Variants in OR11A1 observed in about 807,000 individuals in gnomAD.
OR11A1 encodes olfactory receptor 11A1.
For synonymous variants in OR11A1, 158 were observed against 152.2 expected, an observed-to-expected ratio of 1.04 and a Z score of -0.28; for missense variants, 380 against 378.2, an observed-to-expected ratio of 1.00 and a Z score of -0.04.
intron 1 of OR11A1, chr6:29,440,409 C>T (rs1158702735): frequency 8.1e-6 from 13 of 1,614,106 alleles, no homozygotes; most frequent in Non-Finnish European, 1.1e-5. Flanking sequence ...CCTCCGCTAC[C>T]CACTGCTGCT....
intron 4 of OR11A1, chr6:29,428,067 T>A (rs1782976771): frequency 3.6e-6 from 1 of 280,710 alleles, no homozygotes; most frequent in Non-Finnish European, 5.6e-6. Context: ...GGCCCACAAC[T>A]GCAAACTCTT....
Position 29,428,936 on chromosome 6 carries a change from A to G in OR11A1, c.-115T>C. On this transcript the variant is annotated 5_prime_UTR_variant, in exon 4 of 5. Coordinates refer to ENST00000377149, the MANE Select transcript of OR11A1 (RefSeq NM_001394828.1). ...ACCTGCTGGAAGGTTTTCATATGCTATTCAAAGCAATATGTGTTTATTAAC... is the reference window on the plus strand; with the variant it reads ...ACCTGCTGGAAGGTTTTCATATGCTGTTCAAAGCAATATGTGTTTATTAAC... The G allele has an allele frequency of 1.0e-6, 1 of 974,600 alleles. No individual in the cohort carries two copies. Among genetic ancestry groups the G allele is most frequent in the Middle Eastern group, 5.3e-4 (1 of 1,896 alleles). 60.4% of individuals were successfully genotyped at this position (974,600 alleles called of 1,614,324 possible).
At chr6:29,429,939 A>G (rs1395647434) in intron 3 of OR11A1, among the ~76,000 whole-genome samples, 1 of 152,144 alleles carries the variant, frequency 6.6e-6, no homozygotes, top group Non-Finnish European at 1.5e-5. Context: ...TTTAAATAGT[A>G]TTATGGAAGC....
chr6:29,436,935 C>T (rs1783675142), intron 1 of OR11A1, among the ~76,000 whole-genome samples: 1 of 152,238 alleles, frequency 6.6e-6, no homozygotes, highest in African/African-American at 2.4e-5. Flanking sequence ...GCGAAGCGTT[C>T]TTGGCGTTGG....
intron 2 of OR11A1, among the ~76,000 whole-genome samples, chr6:29,431,087 C>T (rs577072118): frequency 1.3e-5 from 2 of 152,274 alleles, no homozygotes; most frequent in African/African-American, 2.4e-5. Flanking sequence ...ATCAGCCACA[C>T]ACTCAATTCT....
rs1472742883 is a variant in OR11A1, at chr6:29,453,615, A to G, written c.-389+3372T>C. ...ACTCAATCGTGTTTAAGGCTCAGGT[A>G]TCCAGAGGTTACAGTTTTAATGAGG... On this transcript the variant is annotated intron_variant, in intron 1 of 4. Coordinates refer to ENST00000377149, the MANE Select transcript of OR11A1 (RefSeq NM_001394828.1). This position sits in a 1 kb window ranked among gnomAD's most constrained non-coding sequence, Gnocchi z 4.5. Among the ~76,000 whole-genome samples the G allele has an allele frequency of 6.6e-6, 1 of 152,218 alleles. No individual in the cohort carries two copies. The highest frequency in any genetic ancestry group is 1.5e-5 in the Non-Finnish European group (1 of 68,024).
chr6:29,433,370 C>CT (rs1403708055), intron 1 of OR11A1, among the ~76,000 whole-genome samples: 1 of 152,148 alleles, frequency 6.6e-6, no homozygotes. Flanking sequence ...AACCACCATT[C>CT]TATTCTCTGT....
At chr6:29,431,600 A>G (rs932149532) in intron 2 of OR11A1, among the ~76,000 whole-genome samples, 11 of 152,198 alleles carry the variant, frequency 7.2e-5, no homozygotes, top group African/African-American at 2.7e-4. Flanking sequence ...GAGAAGAGAG[A>G]ATTAAAAAAA....
At chr6:29,439,909 C>G (rs1783960829) in intron 1 of OR11A1, 8 of 796,192 alleles carry the variant, frequency 1.0e-5, no homozygotes, top group Non-Finnish European at 1.2e-5. Context: ...AGATCTAGTG[C>G]TGCGATCAGA....
chr6:29,446,388 C>T (rs977161533), intron 1 of OR11A1, among the ~76,000 whole-genome samples: 1 of 152,112 alleles, frequency 6.6e-6, no homozygotes, highest in Non-Finnish European at 1.5e-5. Flanking sequence ...TAATCTGTCT[C>T]ATCTACCATA....
At chr6:29,430,670 G>A (rs1051333224) in intron 2 of OR11A1, among the ~76,000 whole-genome samples, 1 of 152,204 alleles carries the variant, frequency 6.6e-6, no homozygotes, top group Non-Finnish European at 1.5e-5. Context: ...GAAAGGTGAG[G>A]TGGGAAGGGG....
At chr6:29,437,289 A>G (rs1403669998) in intron 1 of OR11A1, among the ~76,000 whole-genome samples, 1 of 152,246 alleles carries the variant, frequency 6.6e-6, no homozygotes, top group Non-Finnish European at 1.5e-5. Context: ...GAACCAACAC[A>G]AATGTCCAAC....
intron 1 of OR11A1, among the ~76,000 whole-genome samples, chr6:29,436,902 C>T (rs574536039): frequency 6.6e-6 from 1 of 152,362 alleles, no homozygotes; most frequent in Non-Finnish European, 1.5e-5. Flanking sequence ...GTTCCTCTTT[C>T]CTCGCTCAAG....
chr6:29,456,769 A>G (rs1786372052), intron 1 of OR11A1, among the ~76,000 whole-genome samples: 1 of 152,238 alleles, frequency 6.6e-6, no homozygotes, highest in Admixed American at 6.5e-5. Flanking sequence ...GCTTCAAACA[A>G]CAAATATTTA....
At chr6:29,435,902 A>G (rs758122763) in intron 1 of OR11A1, among the ~76,000 whole-genome samples, 50 of 152,362 alleles carry the variant, frequency 3.3e-4, no homozygotes, top group Non-Finnish European at 5.6e-4. Context: ...GAATGCATGA[A>G]TGAAAAAATA....
chr6:29,444,920 C>T (rs1784576591), intron 1 of OR11A1, among the ~76,000 whole-genome samples: 2 of 152,210 alleles, frequency 1.3e-5, no homozygotes, highest in East Asian at 1.9e-4. Context: ...CTGACACTCC[C>T]TTCCTCAACT....
Position 29,427,123 on chromosome 6 carries a change from G to T in OR11A1, c.519C>A (p.Asn173Lys), listed in dbSNP as rs1782877246. ...LVAQLRFCGP[N>K]HIDQFYCDFM... ...AGTCACAGTAAAACTGGTCAATGTGGTTGGGGCCACAGAACCTCAGCTGGG... is the reference window on the plus strand; with the variant it reads ...AGTCACAGTAAAACTGGTCAATGTGTTTGGGGCCACAGAACCTCAGCTGGG... Residue 173 changes from asparagine (N) to lysine (K), a missense_variant, in exon 5 of 5, where the codon AAC (asparagine) becomes AAA (lysine). Physicochemically the swap from Asn to Lys is moderately conservative, Grantham distance 94. Coordinates refer to ENST00000377149, the MANE Select transcript of OR11A1 (RefSeq NM_001394828.1). The T allele has an allele frequency of 1.9e-6, 3 of 1,612,978 alleles. No homozygotes were observed. Among genetic ancestry groups the T allele is most frequent in the Non-Finnish European group, 2.5e-6 (3 of 1,180,014 alleles).
At chr6:29,454,708 G>C (rs1322451781) in intron 1 of OR11A1, among the ~76,000 whole-genome samples, 1 of 152,096 alleles carries the variant, frequency 6.6e-6, no homozygotes, top group African/African-American at 2.4e-5. Flanking sequence ...TCATCAACTG[G>C]TGAGATCAGT....
At chr6:29,440,529 A>G (rs2151380651) in intron 1 of OR11A1, 1 of 1,613,350 alleles carries the variant, frequency 6.2e-7, no homozygotes, top group Middle Eastern at 1.6e-4. Context: ...CGGCCCCAAT[A>G]CCATCCCGCA....
Sources: allele counts gnomAD v4.1 joint callset (sites outside exome capture counted in the v4.1 genomes callset), GRCh38; gene constraint gnomAD v4.1.1; non-coding constraint Gnocchi (gnomAD v3.1); transcripts MANE v1.5; gene names NCBI Gene and HGNC (gene_info 2026-07-23, HGNC 2026-07-21).